Variants in WRNIP1 observed in about 807,000 individuals in gnomAD.
WRNIP1 encodes ATPase WRNIP1.
WRNIP1 carries 41 observed loss-of-function variants against 56.1 expected under a neutral mutation model. The ratio of observed to expected loss-of-function variants is 0.73; its 90% CI spans 0.57 to 0.95. WRNIP1 has a LOEUF of 0.95. Ranked by LOEUF, WRNIP1 falls within the 40% of genes least tolerant of loss-of-function variation. The pLI is 0.00. For missense variants in WRNIP1, 1,170 were observed against 939.4 expected, an observed-to-expected ratio of 1.25 and a Z score of -3.21; for synonymous variants, 547 against 398.1, an observed-to-expected ratio of 1.37 and a Z score of -4.45.
At chr6:2,782,835 A>G (rs1039791561) in intron 4 of WRNIP1, among the ~76,000 whole-genome samples, 3 of 152,186 alleles carry the variant, frequency 2.0e-5, no homozygotes, top group Non-Finnish European at 4.4e-5. Flanking sequence ...TGGTTAGTCC[A>G]CGTGTCGGTC....
chr6:2,779,394 A>T lies in WRNIP1; in HGVS notation c.1388A>T (p.Lys463Met). The change falls in exon 4 of 7, where the codon AAG (lysine) becomes ATG (methionine). Residue 463 changes from lysine to methionine, a missense_variant. Transcript: ENST00000380773. ...ARLSSRKMFC[K>M]KSGQSYSPSR... ...TTAAGCTCTAGGAAGATGTTCTGTAAGAAGAGTGGGCAATCCTATTCTCCC... is the reference window on the plus strand; with the variant it reads ...TTAAGCTCTAGGAAGATGTTCTGTATGAAGAGTGGGCAATCCTATTCTCCC... 1 of 1,614,230 alleles carries T rather than the reference A, an allele frequency of 6.2e-7. No homozygotes were observed. Among genetic ancestry groups the T allele is most frequent in the Non-Finnish European group, 8.5e-7 (1 of 1,180,036 alleles).
chr6:2,768,644 C>T, intron 1 of WRNIP1, 47 bp from the exon 2 acceptor site: 1 of 1,523,702 alleles, frequency 6.6e-7, no homozygotes, highest in Non-Finnish European at 8.8e-7. Context: ...GCTGGTCTCT[C>T]TGTGTCTTAC....
Position 2,766,079 on chromosome 6 carries a change from T to C in WRNIP1, c.457T>C (p.Ser153Pro). ...GGCCGCCGCCGCGGCGGGGAGCGCG[T>C]CTCCGCGCAGCTGGGACGAGGCGGA... ...PAAAAAAGSASPRSWDEAEAQ... is the reference protein window; with the variant it reads ...PAAAAAAGSAPPRSWDEAEAQ... Residue 153 changes from serine to proline, a missense_variant, in exon 1 of 7, where the codon TCT becomes CCT. Transcript: ENST00000380773. The C allele has an allele frequency of 7.7e-7, 1 of 1,298,364 alleles. No individual in the cohort carries two copies. Among genetic ancestry groups the C allele is most frequent in the Admixed American group, 4.2e-5 (1 of 23,846 alleles). 80.4% of individuals were successfully genotyped at this position (1,298,364 alleles called of 1,614,324 possible). A position where few individuals can be genotyped will look rare whatever the true frequency, so the allele number is the denominator to read the frequency against.
rs1434555285 is a variant in WRNIP1 at position 2,766,025 on chromosome 6, G to A, written c.403G>A (p.Gly135Arg). 2.3e-6 allele frequency: 3 copies of A among 1,320,930 alleles called. No homozygotes were observed. In the African/African-American group the frequency reaches 4.6e-5, roughly 20 times the overall value. 81.8% of individuals were successfully genotyped at this position (1,320,930 alleles called of 1,614,324 possible). A position where few individuals can be genotyped will look rare whatever the true frequency, so the allele number is the denominator to read the frequency against. ...CCCGGTGGCCCGCTCCAGCAGCCCC[G>A]GGAGGAAGGGGTCGGGGAAGAGGCC... ...DFPVARSSSP[G>R]RKGSGKRPAA... Residue 135 changes from glycine (G) to arginine (R), a missense_variant, in exon 1 of 7, where the codon GGG becomes AGG. Gly to Arg is a moderately radical substitution (Grantham distance 125). Coordinates refer to ENST00000380773, the MANE Select transcript of WRNIP1 (RefSeq NM_020135.3).
intron 3 of WRNIP1, among the ~76,000 whole-genome samples, chr6:2,771,700 A>G (rs1765283185): frequency 6.6e-6 from 1 of 152,222 alleles, no homozygotes; most frequent in African/African-American, 2.4e-5. Context: ...CAAATATTCT[A>G]AAATCAAAAA....
rs923487464 is a variant in WRNIP1 at position 2,769,504 on chromosome 6, AT to A, written c.1015-607del. The stretch of plus-strand genomic sequence containing the variant: ...AAATTTTTAGGCATAACTTTAAAAA[AT>A]TTTTTTTTGTAACTTTTTAATCATA... On this transcript the variant is annotated intron_variant, in intron 2 of 6. Coordinates refer to ENST00000380773, the MANE Select transcript of WRNIP1 (RefSeq NM_020135.3). 3.0e-4 allele frequency among the ~76,000 whole-genome samples: 46 copies of A among 151,900 alleles called. 1 individual carries two copies. The highest frequency in any genetic ancestry group is 2.6e-4 in the Admixed American group (4 of 15,264).
At chr6:2,780,021 GT>G (rs11297192) in intron 4 of WRNIP1, among the ~76,000 whole-genome samples, 2,496 of 152,268 alleles carry the variant, frequency 0.016, 74 homozygotes, top group African/African-American at 0.057. Context: ...GCACTTATCT[GT>G]TTTTGTAGAA....
intron 6 of WRNIP1, among the ~76,000 whole-genome samples, 181 bp from the exon 7 acceptor site, chr6:2,784,826 A>G (rs1381387220): frequency 6.6e-6 from 1 of 152,024 alleles, no homozygotes; most frequent in East Asian, 1.9e-4. Context: ...CTCTCGTTTC[A>G]CCTCATGAGA....
chr6:2,766,064 G>T lies in WRNIP1; in HGVS notation c.442G>T (p.Ala148Ser). ...GGGGAAGAGGCCGGCGGCCGCCGCC[G>T]CGGCGGGGAGCGCGTCTCCGCGCAG... ...GSGKRPAAAA[A>S]AGSASPRSWD... Residue 148 changes from alanine (A) to serine (S), a missense_variant, in exon 1 of 7, where the codon GCG becomes TCG. Ala to Ser is a moderately conservative substitution (Grantham distance 99). Transcript: ENST00000380773. 7.7e-7 allele frequency: 1 copy of T among 1,294,428 alleles called. No homozygotes were observed. The highest frequency in any genetic ancestry group is 9.8e-7 in the Non-Finnish European group (1 of 1,025,636). The allele number at this position is 1,294,428 out of a possible 1,614,324, so 80.2% of individuals were successfully genotyped here.
At chr6:2,783,653 T>TTTTTTTTTTTTTTTTGGGG in intron 5 of WRNIP1, 92 bp downstream of exon 5, 1 of 119,630 alleles carries the variant, frequency 8.4e-6, no homozygotes, top group Non-Finnish European at 1.1e-5. Flanking sequence ...TTTTTTTTTT[T>TTTTTTTTTTTTTTTTGGGG]GCAGGGCGGG....
intron 3 of WRNIP1, among the ~76,000 whole-genome samples, 167 bp downstream of exon 3, chr6:2,770,528 A>G (rs1467422417): frequency 6.6e-6 from 1 of 152,220 alleles, no homozygotes. Flanking sequence ...GATTATACCT[A>G]ACAAAGTTAT....
intron 3 of WRNIP1, among the ~76,000 whole-genome samples, chr6:2,777,209 C>G (rs1765453178): frequency 6.6e-6 from 1 of 152,176 alleles, no homozygotes; most frequent in South Asian, 2.1e-4. Context: ...AGGTTTCACT[C>G]TGAGATTATG....
chr6:2,770,048 G>A (rs570826642), intron 2 of WRNIP1, 72 bp from the exon 3 acceptor site: 2 of 1,592,670 alleles, frequency 1.3e-6, no homozygotes, highest in Non-Finnish European at 1.7e-6. Context: ...GGAAGGGATA[G>A]CCAACTTACA....
intron 3 of WRNIP1, among the ~76,000 whole-genome samples, chr6:2,778,749 T>C (rs1765488954): frequency 6.6e-6 from 1 of 152,294 alleles, no homozygotes; most frequent in East Asian, 1.9e-4. Context: ...TTTGTTGTTT[T>C]TAAAATGAAG....
chr6:2,770,757 A>G (rs1765251763), intron 3 of WRNIP1, among the ~76,000 whole-genome samples: 1 of 152,138 alleles, frequency 6.6e-6, no homozygotes, highest in East Asian at 1.9e-4. Context: ...AACTCTTTTG[A>G]GCATTGTACT....
intron 3 of WRNIP1, among the ~76,000 whole-genome samples, chr6:2,775,464 C>T (rs1284832721): frequency 6.6e-6 from 1 of 152,190 alleles, no homozygotes; most frequent in Non-Finnish European, 1.5e-5. Flanking sequence ...TGTTCCTTTT[C>T]CTTAGTGGAA....
At chr6:2,783,279 A>G in intron 4 of WRNIP1, 127 bp from the exon 5 acceptor site, 3 of 1,093,302 alleles carry the variant, frequency 2.7e-6, no homozygotes, top group South Asian at 3.6e-5. Context: ...CAGCTGCCCA[A>G]ACCTCTCCTC....
intron 1 of WRNIP1, 68 bp downstream of exon 1, chr6:2,766,512 A>T: frequency 3.5e-6 from 5 of 1,434,330 alleles, no homozygotes; most frequent in Non-Finnish European, 4.6e-6. Flanking sequence ...ATGGTCGGAG[A>T]GCCGGGTGTG....
chr6:2,768,669 C>G, intron 1 of WRNIP1, 22 bp from the exon 2 acceptor site: 1 of 1,579,794 alleles, frequency 6.3e-7, no homozygotes, highest in Non-Finnish European at 8.6e-7. Flanking sequence ...TTTTCAAACT[C>G]CATGTATGTC....
Sources: gnomAD v4.1 joint callset for allele counts (sites outside exome capture counted in the v4.1 genomes callset) on GRCh38, gnomAD v4.1.1 for gene constraint, MANE v1.5 for transcripts, NCBI Gene and HGNC (gene_info 2026-07-23, HGNC 2026-07-21) for gene names.